IL1RAPL1: variants seen among roughly 807,000 people sequenced by gnomAD.
The protein encoded by IL1RAPL1 is interleukin-1 receptor accessory protein-like 1.
Under a neutral mutation model 48.4 loss-of-function variants are expected in IL1RAPL1, and 3 were observed. The observed-to-expected ratio is 0.06, with a 90% CI of 0.03 to 0.16. The LOEUF is 0.16. Among genes scored for constraint, IL1RAPL1 ranks in the 10% least tolerant of loss-of-function variants. IL1RAPL1 has a pLI of 1.00. For missense variants in IL1RAPL1, 349 were observed against 530.6 expected, an observed-to-expected ratio of 0.66 and a Z score of 3.36; for synonymous variants, 185 against 187.7, an observed-to-expected ratio of 0.99 and a Z score of 0.12.
At chrX:29,219,637 A>G (rs1930937702) in intron 2 of IL1RAPL1, among the ~76,000 whole-genome samples, 3 of 111,347 alleles carry the variant, frequency 2.7e-5, no homozygotes, top group African/African-American at 9.8e-5. Context: ...CTTCCTCCAA[A>G]TATTTCCTCC....
chrX:29,580,919 A>G (rs1394089921), intron 5 of IL1RAPL1, among the ~76,000 whole-genome samples: 1 of 112,384 alleles, frequency 8.9e-6, no homozygotes. Context: ...ATCAATTTAT[A>G]GAATCTCTGT....
chrX:29,737,111 T>C (rs1928068046), intron 6 of IL1RAPL1, among the ~76,000 whole-genome samples: 1 of 112,411 alleles, frequency 8.9e-6, no homozygotes, highest in Non-Finnish European at 1.9e-5. Flanking sequence ...AATCATGTTA[T>C]ATTAATACTT....
intron 2 of IL1RAPL1, among the ~76,000 whole-genome samples, chrX:29,160,937 A>G (rs2147505647): frequency 9.0e-6 from 1 of 111,446 alleles, no homozygotes; most frequent in African/African-American, 3.3e-5. Context: ...GCATGCCTGT[A>G]ATCCCAGGTA....
At chrX:29,914,654 G>A (rs1263116215) in intron 6 of IL1RAPL1, among the ~76,000 whole-genome samples, 2 of 105,923 alleles carry the variant, frequency 1.9e-5, no homozygotes, top group African/African-American at 3.5e-5. Flanking sequence ...TTGAATTCGT[G>A]ACTACCTTGG....
intron 5 of IL1RAPL1, among the ~76,000 whole-genome samples, chrX:29,428,933 A>G (rs999167203): frequency 7.2e-5 from 8 of 111,853 alleles, no homozygotes; most frequent in African/African-American, 2.6e-4. Context: ...TCTTTAGTGT[A>G]TATTGAGGAA....
At chrX:29,950,058 A>C (rs17885035) in intron 9 of IL1RAPL1, among the ~76,000 whole-genome samples, 8,563 of 111,523 alleles carry the variant, frequency 0.077, 283 homozygotes, top group Admixed American at 0.11. Context: ...CAAGTGTCCC[A>C]TTGGTTTGAG....
At chrX:29,059,311 T>C (rs920853702) in intron 2 of IL1RAPL1, among the ~76,000 whole-genome samples, 1 of 111,666 alleles carries the variant, frequency 9.0e-6, no homozygotes, top group African/African-American at 3.3e-5. Context: ...TGTTTGAAAC[T>C]TCCTTTCAAC....
chrX:29,352,957 T>A (rs1488061884), intron 3 of IL1RAPL1, among the ~76,000 whole-genome samples: 1 of 111,847 alleles, frequency 8.9e-6, no homozygotes, highest in Non-Finnish European at 1.9e-5. Context: ...TTGGCACAAT[T>A]CTCATTCTCT....
rs1165342666 is a variant in IL1RAPL1 at position 29,912,407 on chromosome X, A to G, written c.779-5057A>G. Among the ~76,000 whole-genome samples, 3 of 112,133 alleles carry G rather than the reference A, an allele frequency of 2.7e-5. No homozygotes were observed. The East Asian group carries it at 8.4e-4, about 31-fold the overall frequency. On this transcript the variant is annotated intron_variant, in intron 6 of 10. Coordinates refer to ENST00000378993, the MANE Select transcript of IL1RAPL1 (RefSeq NM_014271.4). ...TTCTTAATATATTCAAGATGCTGTA[A>G]TGGGTCCTGGTAATACGAAGGTAAA...
chrX:29,104,147 G>C (rs998981105), intron 2 of IL1RAPL1, among the ~76,000 whole-genome samples: 3 of 112,058 alleles, frequency 2.7e-5, no homozygotes, highest in Non-Finnish European at 5.6e-5. Context: ...AAGGAAATCA[G>C]TGTATTGAAG....
At chrX:29,763,787 A>G (rs1928809922) in intron 6 of IL1RAPL1, among the ~76,000 whole-genome samples, 1 of 110,717 alleles carries the variant, frequency 9.0e-6, no homozygotes, top group Non-Finnish European at 1.9e-5. Flanking sequence ...GAAAGCAGTG[A>G]TACAGAAGAC....
At chrX:29,769,189 A>G (rs1928987110) in intron 6 of IL1RAPL1, among the ~76,000 whole-genome samples, 1 of 111,229 alleles carries the variant, frequency 9.0e-6, no homozygotes, top group Non-Finnish European at 1.9e-5. Context: ...ATTCAGCCAC[A>G]TTGTAGGAAT....
At chrX:29,920,187 T>TC in intron 8 of IL1RAPL1, 93 bp downstream of exon 8, 2 of 1,075,019 alleles carry the variant, frequency 1.9e-6, no homozygotes, top group Non-Finnish European at 2.6e-6. Flanking sequence ...GTTTTGTTTT[T>TC]CTCCACAAAG....
chrX:29,257,176 T>C (rs528268707), intron 2 of IL1RAPL1, among the ~76,000 whole-genome samples: 140 of 111,864 alleles, frequency 1.3e-3, no homozygotes, highest in African/African-American at 4.4e-3. Context: ...TTCCTTGTTC[T>C]TCTTTTAGAA....
chrX:29,006,647 A>ATATATG (rs1274128284), intron 2 of IL1RAPL1, among the ~76,000 whole-genome samples: 1 of 76,935 alleles, frequency 1.3e-5, no homozygotes, highest in Non-Finnish European at 2.4e-5. Context: ...GTTTATATAT[A>ATATATG]TGTGTGTGTG....
intron 1 of IL1RAPL1, among the ~76,000 whole-genome samples, chrX:28,742,722 C>T (rs980722488): frequency 2.7e-5 from 3 of 111,483 alleles, no homozygotes; most frequent in African/African-American, 9.7e-5. Context: ...TTAAGGAGAC[C>T]GATTGTGTTC....
chrX:29,752,006 C>CAT (rs765770089), intron 6 of IL1RAPL1, among the ~76,000 whole-genome samples: 5 of 98,061 alleles, frequency 5.1e-5, no homozygotes, highest in Non-Finnish European at 1.0e-4. Flanking sequence ...TATACACACA[C>CAT]ATATATATAT....
chrX:29,750,723 A>T (rs1395238508), intron 6 of IL1RAPL1, among the ~76,000 whole-genome samples: 1 of 112,074 alleles, frequency 8.9e-6, no homozygotes, highest in Non-Finnish European at 1.9e-5. Context: ...CTACTTAGAT[A>T]CATTCTATAA....
At chrX:29,803,479 A>ATGTG (rs1930157689) in intron 6 of IL1RAPL1, among the ~76,000 whole-genome samples, 5 of 98,256 alleles carry the variant, frequency 5.1e-5, no homozygotes, top group Admixed American at 4.5e-4. Flanking sequence ...ATGTATACAT[A>ATGTG]TATGTATACA....
Sources: gnomAD v4.1 joint callset for allele counts (sites outside exome capture counted in the v4.1 genomes callset) on GRCh38, gnomAD v4.1.1 for gene constraint, MANE v1.5 for transcripts, NCBI Gene and HGNC (gene_info 2026-07-23, HGNC 2026-07-21) for gene names.